FAT3: variants seen among roughly 807,000 people sequenced by gnomAD.
The protein encoded by FAT3 is FAT atypical cadherin 3, also known as protocadherin Fat 3.
Under a neutral mutation model 310.2 loss-of-function variants are expected in FAT3, and 95 were observed. That is an observed-to-expected ratio of 0.31 (90% CI 0.26 to 0.36). The LOEUF (loss-of-function observed/expected upper bound fraction) is 0.36, where lower values mean the gene tolerates loss of function less well. Ranked by LOEUF, FAT3 falls within the 10% of genes least tolerant of loss-of-function variation. The pLI is 1.00. For missense variants in FAT3, 5,408 were observed against 5,715.6 expected, an observed-to-expected ratio of 0.95 and a Z score of 1.74; for synonymous variants, 2,314 against 2,192.9, an observed-to-expected ratio of 1.06 and a Z score of -1.54.
intron 2 of FAT3, among the ~76,000 whole-genome samples, chr11:92,473,399 TTCTA>T (rs1951962920): frequency 6.6e-6 from 1 of 152,160 alleles, no homozygotes; most frequent in South Asian, 2.1e-4. Flanking sequence ...TTTTCACACC[TTCTA>T]TCTGTCTTTA....
At chr11:92,491,572 G>C (rs954590377) in intron 2 of FAT3, among the ~76,000 whole-genome samples, 1 of 151,986 alleles carries the variant, frequency 6.6e-6, no homozygotes, top group African/African-American at 2.4e-5. Context: ...AAGTATAGAG[G>C]CCTGAAATAG....
chr11:92,578,985 G>A (rs1047559084), intron 3 of FAT3, among the ~76,000 whole-genome samples: 1 of 152,076 alleles, frequency 6.6e-6, no homozygotes, highest in African/African-American at 2.4e-5. Flanking sequence ...GACTGGAATG[G>A]TATTACTTAT....
At chr11:92,845,075 G>A (rs1948653323) in intron 19 of FAT3, among the ~76,000 whole-genome samples, 1 of 152,198 alleles carries the variant, frequency 6.6e-6, no homozygotes, top group Non-Finnish European at 1.5e-5. Context: ...GTAGGGGAGG[G>A]AGAGCCTTCT....
chr11:92,676,341 G>T (rs1222632468), intron 3 of FAT3, among the ~76,000 whole-genome samples: 1 of 152,118 alleles, frequency 6.6e-6, no homozygotes, highest in Non-Finnish European at 1.5e-5. Context: ...CATACAGTTG[G>T]TCTTATTCCT....
intron 3 of FAT3, among the ~76,000 whole-genome samples, chr11:92,560,881 G>T (rs1451306606): frequency 6.6e-6 from 1 of 152,022 alleles, no homozygotes; most frequent in Admixed American, 6.5e-5. Flanking sequence ...TTATTCCATT[G>T]TTCCCTCTAA....
At chr11:92,731,379 C>T (rs898403335) in intron 4 of FAT3, among the ~76,000 whole-genome samples, 2 of 152,066 alleles carry the variant, frequency 1.3e-5, no homozygotes, top group Non-Finnish European at 2.9e-5. Context: ...AGGACAGCCC[C>T]CACAACAAAA....
intron 6 of FAT3, among the ~76,000 whole-genome samples, chr11:92,768,511 A>G (rs1469668778): frequency 6.6e-6 from 1 of 152,202 alleles, no homozygotes; most frequent in African/African-American, 2.4e-5. Flanking sequence ...TGCTGACAAC[A>G]TCTTTCCCCT....
chr11:92,334,138 G>A (rs1227726402), intron 1 of FAT3, among the ~76,000 whole-genome samples: 1 of 152,164 alleles, frequency 6.6e-6, no homozygotes, highest in African/African-American at 2.4e-5. Context: ...CACTTTGAGA[G>A]GCCGAGGCAG....
At position 92,576,582 on chromosome 11, in the gene FAT3, T is replaced by A. The variant is rs576777740; in HGVS notation, c.3607+51634T>A. On this transcript the variant is annotated intron_variant, in intron 3 of 27. Transcript: ENST00000525166. ...TCTGTGATAAAATGCTAACAATTAC[T>A]GATTTGGGCAAAGCACACTGTTTAC... is the stretch of plus-strand genomic sequence containing the variant. Among the ~76,000 whole-genome samples the A allele has an allele frequency of 2.0e-5, 3 of 152,224 alleles. No homozygotes were observed. The East Asian group carries it at 5.8e-4, about 29-fold the overall frequency.
At chr11:92,654,072 C>A (rs1330569722) in intron 3 of FAT3, among the ~76,000 whole-genome samples, 1 of 152,094 alleles carries the variant, frequency 6.6e-6, no homozygotes, top group Non-Finnish European at 1.5e-5. Context: ...AACTATCTTT[C>A]TTTGCAAATA....
At chr11:92,322,767 C>T (rs1947655672) in intron 1 of FAT3, among the ~76,000 whole-genome samples, 1 of 152,206 alleles carries the variant, frequency 6.6e-6, no homozygotes, top group Non-Finnish European at 1.5e-5. Context: ...ATTGCAGCAA[C>T]TCAGTTACAT....
chr11:92,419,401 A>T (rs1950490865), intron 2 of FAT3, among the ~76,000 whole-genome samples: 1 of 152,128 alleles, frequency 6.6e-6, no homozygotes, highest in South Asian at 2.1e-4. Flanking sequence ...GGTGAGAGGG[A>T]TCTAATTAAC....
chr11:92,337,407 T>G (rs1948117886), intron 1 of FAT3, among the ~76,000 whole-genome samples: 2 of 152,178 alleles, frequency 1.3e-5, no homozygotes, highest in Admixed American at 1.3e-4. Context: ...TTTTTCTTTT[T>G]GATCTGGAAA....
chr11:92,837,236 TGATA>T (rs2136275122), intron 16 of FAT3, among the ~76,000 whole-genome samples: 1 of 152,310 alleles, frequency 6.6e-6, no homozygotes, highest in South Asian at 2.1e-4. Flanking sequence ...CTCTACTGGG[TGATA>T]CATGCTCATA....
At chr11:92,382,648 GA>G (rs1011120724) in intron 2 of FAT3, among the ~76,000 whole-genome samples, 5 of 151,564 alleles carry the variant, frequency 3.3e-5, no homozygotes, top group African/African-American at 1.2e-4. Context: ...AAGATACTTA[GA>G]AAAAAAAGAA....
intron 1 of FAT3, among the ~76,000 whole-genome samples, chr11:92,282,009 G>A (rs1366044842): frequency 2.0e-5 from 3 of 151,816 alleles, no homozygotes; most frequent in African/African-American, 4.8e-5. Flanking sequence ...GGGTTCCAGC[G>A]ATTCTCCTGC....
intron 2 of FAT3, among the ~76,000 whole-genome samples, chr11:92,469,681 A>T (rs1050055279): frequency 2.0e-5 from 3 of 149,610 alleles, no homozygotes; most frequent in African/African-American, 7.4e-5. Context: ...TGCCTAGCTA[A>T]TTTTTTTTTA....
At chr11:92,835,283 A>G (rs535958793) in intron 15 of FAT3, among the ~76,000 whole-genome samples, 199 bp downstream of exon 15, 25 of 152,296 alleles carry the variant, frequency 1.6e-4, no homozygotes, top group African/African-American at 5.8e-4. Flanking sequence ...AGATTAATTT[A>G]TATCAAGGTG....
chr11:92,458,123 C>T (rs927972834), intron 2 of FAT3, among the ~76,000 whole-genome samples: 1 of 152,088 alleles, frequency 6.6e-6, no homozygotes, highest in Admixed American at 6.6e-5. Context: ...AGGTTGTTTC[C>T]TTTCTTTCCT....
Sources: gnomAD v4.1 joint callset for allele counts (sites outside exome capture counted in the v4.1 genomes callset) on GRCh38, gnomAD v4.1.1 for gene constraint, MANE v1.5 for transcripts, NCBI Gene and HGNC (gene_info 2026-07-23, HGNC 2026-07-21) for gene names.